Variants in STK3 observed in about 807,000 individuals in gnomAD.
The protein encoded by STK3 is serine/threonine-protein kinase 3.
In STK3, 41 loss-of-function variants were observed where a neutral mutation model predicts 58.0. That is an observed-to-expected ratio of 0.71 (90% CI 0.55 to 0.92). The LOEUF (loss-of-function observed/expected upper bound fraction) is 0.92, where lower values mean the gene tolerates loss of function less well. Among genes scored for constraint, STK3 ranks in the 40% least tolerant of loss-of-function variants. STK3 has a pLI of 0.00. For synonymous variants in STK3, 170 were observed against 191.0 expected, an observed-to-expected ratio of 0.89 and a Z score of 0.91; for missense variants, 479 against 602.7, an observed-to-expected ratio of 0.79 and a Z score of 2.15.
At chr8:98,387,101 G>T (rs1189746919) in intron 1 of STK3, among the ~76,000 whole-genome samples, 1 of 151,786 alleles carries the variant, frequency 6.6e-6, no homozygotes, top group Non-Finnish European at 1.5e-5. Context: ...ACTTACATAG[G>T]GAATAGTTAT....
At chr8:98,722,311 T>C (rs1827491101) in intron 4 of STK3, among the ~76,000 whole-genome samples, 1 of 152,150 alleles carries the variant, frequency 6.6e-6, no homozygotes, top group Non-Finnish European at 1.5e-5. Flanking sequence ...CTTAGCAAAT[T>C]TGGAAGATAA....
chr8:98,745,968 A>G (rs1489519051), intron 4 of STK3, among the ~76,000 whole-genome samples: 1 of 152,238 alleles, frequency 6.6e-6, no homozygotes, highest in Non-Finnish European at 1.5e-5. Flanking sequence ...TGCTGTAGGC[A>G]GCAGCAACAC....
At chr8:98,820,110 T>A (rs1834791696) in intron 1 of STK3, among the ~76,000 whole-genome samples, 1 of 152,224 alleles carries the variant, frequency 6.6e-6, no homozygotes, top group Non-Finnish European at 1.5e-5. Flanking sequence ...TGTTTTCTGA[T>A]GGGTAATCCA....
At chr8:98,564,502 G>A (rs1263722520) in intron 8 of STK3, among the ~76,000 whole-genome samples, 4 of 152,112 alleles carry the variant, frequency 2.6e-5, no homozygotes, top group Non-Finnish European at 5.9e-5. Flanking sequence ...GGGTGGTAGG[G>A]AGAGATTGGT....
At chr8:98,453,529 CA>C (rs1302036614), downstream of STK3, among the ~76,000 whole-genome samples, 1 of 152,148 alleles carries the variant, frequency 6.6e-6, no homozygotes, top group African/African-American at 2.4e-5. Context: ...TAAAATAAAA[CA>C]ATGCCCATTC....
At chr8:98,681,845 C>T (rs1005928724) in intron 6 of STK3, among the ~76,000 whole-genome samples, 2 of 152,204 alleles carry the variant, frequency 1.3e-5, no homozygotes, top group Admixed American at 1.3e-4. Context: ...CATTTCCTCC[C>T]TGCCAAAACA....
At chr8:98,568,218 C>T (rs1812666033) in intron 8 of STK3, among the ~76,000 whole-genome samples, 1 of 152,140 alleles carries the variant, frequency 6.6e-6, no homozygotes, top group African/African-American at 2.4e-5. Context: ...CAGGTTTACA[C>T]CTATCCCTCT....
intron 4 of STK3, among the ~76,000 whole-genome samples, chr8:98,724,457 T>A (rs1827657530): frequency 2.0e-5 from 3 of 152,212 alleles, no homozygotes; most frequent in African/African-American, 7.2e-5. Flanking sequence ...AATAGTTCTT[T>A]GTGTTTGAAC....
intron 1 of STK3, among the ~76,000 whole-genome samples, chr8:98,932,339 A>T (rs1840030544): frequency 6.6e-6 from 1 of 152,238 alleles, no homozygotes; most frequent in Non-Finnish European, 1.5e-5. Context: ...AATAGTTCTC[A>T]AACAGCCAAT....
chr8:98,439,355 C>T (rs1818609893), intron 1 of STK3: 1 of 152,196 alleles, frequency 6.6e-6, no homozygotes, highest in African/African-American at 2.4e-5. Context: ...TCAGGAGTTT[C>T]AGGGCACCGA....
At chr8:98,695,698 T>C (rs1824849077) in intron 6 of STK3, among the ~76,000 whole-genome samples, 1 of 152,204 alleles carries the variant, frequency 6.6e-6, no homozygotes, top group South Asian at 2.1e-4. Context: ...TCTGTTCCAT[T>C]GATCTATATC....
At chr8:98,516,273 G>C (rs1466504504) in intron 10 of STK3, among the ~76,000 whole-genome samples, 1 of 151,984 alleles carries the variant, frequency 6.6e-6, no homozygotes, top group East Asian at 1.9e-4. Context: ...ATTCTTACAG[G>C]TGAGAGTAAC....
At chr8:98,598,097 A>G in intron 6 of STK3, 1 of 985,346 alleles carries the variant, frequency 1.0e-6, no homozygotes, top group Non-Finnish European at 1.2e-6. Context: ...ATATAGACTG[A>G]CCTCAAACTG....
At chr8:98,637,622 T>C (rs867057871) in intron 6 of STK3, among the ~76,000 whole-genome samples, 1 of 152,180 alleles carries the variant, frequency 6.6e-6, no homozygotes, top group Non-Finnish European at 1.5e-5. Flanking sequence ...CACTCCTGCA[T>C]AATATCAGTT....
intron 10 of STK3, among the ~76,000 whole-genome samples, chr8:98,511,326 T>C (rs1824500857): frequency 6.6e-6 from 1 of 151,968 alleles, no homozygotes; most frequent in South Asian, 2.1e-4. Context: ...ATCTTAAACA[T>C]ACAAGTAGCT....
chr8:98,519,159 G>C (rs548862334), intron 10 of STK3, among the ~76,000 whole-genome samples: 46 of 152,212 alleles, frequency 3.0e-4, no homozygotes, highest in South Asian at 2.3e-3. Context: ...AAGGACTGTA[G>C]AGAACAAGCA....
At chr8:98,378,988 C>A (rs780449779) in intron 2 of STK3, among the ~76,000 whole-genome samples, 36 of 152,130 alleles carry the variant, frequency 2.4e-4, no homozygotes, top group South Asian at 6.2e-4. Flanking sequence ...CTAGGGCAGA[C>A]CCAGGGTCCC....
chr8:98,456,083 C>G, intron 10 of STK3, 83 bp from the exon 11 acceptor site: 1 of 1,312,866 alleles, frequency 7.6e-7, no homozygotes, highest in East Asian at 2.5e-5. Context: ...ACTTTAATGT[C>G]TAATGAGTTT....
chr8:98,398,091 C>T (rs1360911594), downstream of STK3, among the ~76,000 whole-genome samples: 1 of 152,184 alleles, frequency 6.6e-6, no homozygotes, highest in Non-Finnish European at 1.5e-5. Flanking sequence ...CATGTCAATG[C>T]CCCACATTGG....
Sources: allele counts gnomAD v4.1 joint callset (sites outside exome capture counted in the v4.1 genomes callset), GRCh38; gene constraint gnomAD v4.1.1; transcripts MANE v1.5; gene names NCBI Gene and HGNC (gene_info 2026-07-23, HGNC 2026-07-21).